The following CELA3B variants were observed in gnomAD, a reference collection of about 807,000 sequenced individuals.
The protein encoded by CELA3B is chymotrypsin-like elastase family member 3B.
Under a neutral mutation model 37.2 loss-of-function variants are expected in CELA3B, and 34 were observed. The observed-to-expected ratio is 0.91, with a 90% confidence interval of 0.70 to 1.22. The LOEUF (loss-of-function observed/expected upper bound fraction) is 1.22. Ranked by LOEUF, CELA3B falls within the 50% of genes most tolerant of loss-of-function variation. CELA3B has a pLI of 0.00. For synonymous variants in CELA3B, 127 were observed against 143.5 expected (o/e 0.89, Z 0.82); for missense variants, 340 against 363.1 (o/e 0.94, Z 0.52).
chr1:21,990,105 G>A (rs1206802495), downstream of CELA3B, among the ~76,000 whole-genome samples: 25 of 149,410 alleles, frequency 1.7e-4, no homozygotes, highest in Admixed American at 2.7e-4. Context: ...CAGATCTGGC[G>A]AGAACTCACT....
At chr1:21,982,432 T>C (rs1644811241) in intron 4 of CELA3B, among the ~76,000 whole-genome samples, 1 of 14,454 alleles carries the variant, frequency 6.9e-5, no homozygotes, top group African/African-American at 1.0e-4. Context: ...CCATCTCTAC[T>C]AAAAATTAAA....
downstream of CELA3B, chr1:21,989,357 T>C (rs901069404): frequency 2.3e-4 from 265 of 1,165,206 alleles, 1 homozygote; most frequent in Non-Finnish European, 3.1e-4. Flanking sequence ...AATTCCAAGT[T>C]GAATCTTTCT....
At chr1:21,981,691 G>A (rs111402056) in intron 4 of CELA3B, among the ~76,000 whole-genome samples, 3,160 of 151,836 alleles carry the variant, frequency 0.021, 45 homozygotes, top group Non-Finnish European at 0.031. Flanking sequence ...TGAAGGCCAA[G>A]GAGACAATCT....
At position 21,981,411 on chromosome 1, in the gene CELA3B, A is replaced by C. The variant is rs1373503120; in HGVS notation, c.362+239A>C. Among the ~76,000 whole-genome samples, 5 of 151,214 alleles carry C rather than the reference A, an allele frequency of 3.3e-5. 1 individual carries two copies. The East Asian group carries it at 9.7e-4, about 29-fold the overall frequency. The stretch of plus-strand genomic sequence containing the variant: ...TGGCAGTGTTCAGGGAGGGGCGGGA[A>C]CTCTGCCAAGGCCACTTGGCTAGTG... On this transcript the variant is annotated intron_variant, in intron 4 of 7. Coordinates refer to ENST00000337107, the MANE Select transcript of CELA3B (RefSeq NM_007352.4).
At position 21,984,081 on chromosome 1, in the gene CELA3B, A is replaced by G. The variant is rs559634634; in HGVS notation, c.500-108A>G. ...GCAGGACCATTTAGCGGGTGGGAGG[A>G]GAGTCCTCATCAGAGCAGAAGAACT... On this transcript the variant is annotated intron_variant, in intron 5 of 7. Transcript: ENST00000337107. 5.8e-6 allele frequency: 8 copies of G among 1,380,720 alleles called. No individual in the cohort carries two copies. In the East Asian group the frequency reaches 1.6e-4, roughly 28 times the overall value. 85.5% of individuals were successfully genotyped at this position (1,380,720 alleles called of 1,614,324 possible).
chr1:21,983,927 A>G (rs1644822035), intron 5 of CELA3B, 97 bp downstream of exon 5: 2 of 1,354,050 alleles, frequency 1.5e-6, no homozygotes, highest in Non-Finnish European at 2.0e-6. Context: ...CAGACCTTGT[A>G]CTTTTCTCCC....
rs947966608 is a variant in CELA3B, at chr1:21,983,843, T to A, written c.499+13T>A. On this transcript the variant is annotated intron_variant, in intron 5 of 7. Coordinates refer to ENST00000337107, the MANE Select transcript of CELA3B (RefSeq NM_007352.4). ...GGCCGTCTCTATAGTACGTGCTGAC[T>A]TCTCTAGCTGGCCACAGGGACAGTG... is the stretch of plus-strand genomic sequence containing the variant. 4.3e-6 allele frequency: 7 copies of A among 1,613,294 alleles called. No homozygotes were observed. The highest frequency in any genetic ancestry group is 1.3e-5 in the African/African-American group (1 of 74,870).
chr1:21,982,107 A>G (rs1291890879), intron 4 of CELA3B, among the ~76,000 whole-genome samples: 1 of 152,084 alleles, frequency 6.6e-6, no homozygotes, highest in Non-Finnish European at 1.5e-5. Flanking sequence ...CGGGTGCAGA[A>G]CTCCTGCAAA....
intron 4 of CELA3B, among the ~76,000 whole-genome samples, chr1:21,995,210 C>T (rs1248120449): frequency 6.8e-6 from 1 of 146,456 alleles, no homozygotes; most frequent in Admixed American, 6.8e-5. Flanking sequence ...GTGGCATGAC[C>T]TCACTGCAAC....
chr1:21,988,908 A>AG (rs1644856089), intron 7 of CELA3B, among the ~76,000 whole-genome samples: 2 of 84,094 alleles, frequency 2.4e-5, no homozygotes, highest in East Asian at 2.1e-4. Context: ...AAAAAACTCC[A>AG]AAAATATATA....
downstream of CELA3B, among the ~76,000 whole-genome samples, chr1:21,994,208 A>G (rs1229011541): frequency 2.7e-5 from 4 of 150,806 alleles, no homozygotes; most frequent in Non-Finnish European, 5.9e-5. Context: ...CTATGACAGC[A>G]GGCTTCTCCC....
At position 21,985,319 on chromosome 1, in the gene CELA3B, C is replaced by T. The variant is rs150702757; in HGVS notation, c.642+988C>T. ...TTGAGACAGGATCTTGCTCTGTTGC[C>T]CAGGCTGCAGTGCAGTAACGCCATC... On this transcript the variant is annotated intron_variant, in intron 6 of 7. Transcript: ENST00000337107. 2.7e-3 allele frequency among the ~76,000 whole-genome samples: 409 copies of T among 149,344 alleles called. 1 individual carries two copies. Among genetic ancestry groups the T allele is most frequent in the Middle Eastern group, 0.014 (4 of 288 alleles).
intron 2 of CELA3B, among the ~76,000 whole-genome samples, chr1:21,979,360 CT>C (rs1387352359): frequency 1.3e-5 from 2 of 151,996 alleles, no homozygotes; most frequent in African/African-American, 4.8e-5. Flanking sequence ...GTGTGAGTCA[CT>C]GCACCCAGCT....
chr1:21,997,753 A>T (rs12031887), intron 4 of CELA3B, among the ~76,000 whole-genome samples: 68,816 of 149,476 alleles, frequency 0.46, 18,269 homozygotes, highest in African/African-American at 0.67. Flanking sequence ...TAGGACTATA[A>T]CATTTCTATA....
Position 21,987,933 on chromosome 1 carries a change from A to C in CELA3B, c.795+1250A>C, listed in dbSNP as rs561020324. The C allele has an allele frequency of 4.6e-5, 7 of 151,828 alleles. No individual in the cohort carries two copies. In the East Asian group the frequency reaches 9.7e-4, roughly 21 times the overall value. The allele number at this position is 151,828 out of a possible 1,614,324, so 9.4% of individuals were successfully genotyped here. On this transcript the variant is annotated intron_variant, in intron 7 of 7. Coordinates refer to ENST00000337107, the MANE Select transcript of CELA3B (RefSeq NM_007352.4). The stretch of plus-strand genomic sequence containing the variant: ...TTCCATTAAAAAAACATTTCTGGCC[A>C]AGTACAGTGGTTCATGCATGTAATC...
chr1:21,984,638 AT>A (rs1485985995), intron 6 of CELA3B, among the ~76,000 whole-genome samples: 1 of 152,160 alleles, frequency 6.6e-6, no homozygotes, highest in African/African-American at 2.4e-5. Flanking sequence ...ACGCAGGTCA[AT>A]TCTGTGGTTC....
Position 21,984,295 on chromosome 1 carries a change from G to T in CELA3B, c.606G>T (p.Met202Ile), listed in dbSNP as rs775788555. Residue 202 changes from methionine (M) to isoleucine (I), a missense_variant, in exon 6 of 8, where the codon ATG becomes ATT. Met to Ile is a conservative substitution (Grantham distance 10). Coordinates refer to ENST00000337107, the MANE Select transcript of CELA3B (RefSeq NM_007352.4). Reference protein sequence around the residue: ...NWWGSSVKKTMVCAGGDIRSG... With the variant: ...NWWGSSVKKTIVCAGGDIRSG... ...GGGGTTCCTCCGTGAAGAAGACCAT[G>T]GTGTGTGCTGGAGGGGACATCCGCT... The T allele has an allele frequency of 6.2e-7, 1 of 1,614,136 alleles. No individual in the cohort carries two copies. Among genetic ancestry groups the T allele is most frequent in the Admixed American group, 1.7e-5 (1 of 60,012 alleles).
At position 21,996,768 on chromosome 1, in the gene CELA3B, T is replaced by G. The variant is rs1354916613; in HGVS notation, c.505-1383T>G. 1.1e-4 allele frequency among the ~76,000 whole-genome samples: 17 copies of G among 150,890 alleles called. 1 individual carries two copies. In the East Asian group the frequency reaches 3.3e-3, roughly 30 times the overall value. On this transcript the variant is annotated intron_variant, in intron 4 of 4. Transcript: ENST00000400277. ...CACTGCCATTGCTCAATAACCTCCT[T>G]GGATCCCAGCCGGGATGATGCCTTC...
At position 21,977,023 on chromosome 1, in the gene CELA3B, C is replaced by T. The variant is rs2152815039; in HGVS notation, c.-17C>T. Reference sequence around the variant, plus strand: ...GAGCCCCAGGTTCTGTGCCCTTTTCCTATCATCGCAAAACTCATGATGCTC... The same window carrying T: ...GAGCCCCAGGTTCTGTGCCCTTTTCTTATCATCGCAAAACTCATGATGCTC... On this transcript the variant is annotated 5_prime_UTR_variant, in exon 1 of 8. Transcript: ENST00000337107. 6.2e-7 allele frequency: 1 copy of T among 1,614,176 alleles called. No homozygotes were observed. Among genetic ancestry groups the T allele is most frequent in the Non-Finnish European group, 8.5e-7 (1 of 1,180,048 alleles).
Sources: allele counts gnomAD v4.1 joint callset (sites outside exome capture counted in the v4.1 genomes callset), GRCh38; gene constraint gnomAD v4.1.1; transcripts MANE v1.5; gene names NCBI Gene and HGNC (gene_info 2026-07-23, HGNC 2026-07-21).